Variants in NT5C3A observed in about 807,000 individuals in gnomAD.
NT5C3A encodes the protein 5'-nucleotidase, cytosolic IIIA, also known as cytosolic 5'-nucleotidase 3A.
NT5C3A carries 23 observed loss-of-function variants against 40.0 expected under a neutral mutation model. The ratio of observed to expected loss-of-function variants is 0.58; its 90% confidence interval spans 0.41 to 0.81. The LOEUF is 0.81. Among genes scored for constraint, NT5C3A ranks in the 40% least tolerant of loss-of-function variants. NT5C3A has a pLI of 0.00. For missense variants in NT5C3A, 328 were observed against 403.0 expected, an observed-to-expected ratio of 0.81 and a Z score of 1.59; for synonymous variants, 130 against 141.4, an observed-to-expected ratio of 0.92 and a Z score of 0.57.
intron 1 of NT5C3A, among the ~76,000 whole-genome samples, chr7:33,049,444 T>C (rs963509104): frequency 6.6e-6 from 1 of 152,136 alleles, no homozygotes; most frequent in Non-Finnish European, 1.5e-5. Context: ...CCTTACAAGA[T>C]TGTCTTCTGT....
intron 5 of NT5C3A, 74 bp downstream of exon 5, chr7:33,021,194 AAAAT>A: frequency 1.3e-6 from 2 of 1,585,752 alleles, no homozygotes; most frequent in Non-Finnish European, 8.6e-7. Context: ...ATACAGGTAA[AAAAT>A]AAGCCATCAG....
intron 6 of NT5C3A, among the ~76,000 whole-genome samples, chr7:33,018,966 T>C (rs1039128037): frequency 4.6e-5 from 7 of 152,192 alleles, no homozygotes; most frequent in Admixed American, 3.9e-4. Flanking sequence ...AGTAGGCTTA[T>C]GTAAATTTAG....
In NT5C3A at chr7:33,062,565, C is replaced by T; in HGVS notation, c.138+3G>A. ...TCTGGGCGCGCCGAGCCTCCACACT[C>T]ACCATCTCGATGATCTTGGTCTTCC... On this transcript the variant is annotated splice_donor_region_variant and intron_variant, in intron 1 of 8. Transcript: ENST00000610140. 6.2e-7 allele frequency: 1 copy of T among 1,609,894 alleles called. No homozygotes were observed. Among genetic ancestry groups the T allele is most frequent in the Non-Finnish European group, 8.5e-7 (1 of 1,178,732 alleles).
chr7:33,031,107 C>CAA (rs11407650), intron 1 of NT5C3A, among the ~76,000 whole-genome samples: 1,782 of 131,718 alleles, frequency 0.014, 12 homozygotes, highest in Middle Eastern at 0.067. Flanking sequence ...CAAAAAAAAA[C>CAA]AAAAAAAAAA....
At chr7:33,019,494 T>C (rs1562586439) in intron 6 of NT5C3A, 141 bp downstream of exon 6, 1 of 681,570 alleles carries the variant, frequency 1.5e-6, no homozygotes, top group Non-Finnish European at 2.7e-6. Flanking sequence ...TACCACTATG[T>C]ATTTTGTGAT....
At chr7:33,048,305 A>G (rs1031374759) in intron 1 of NT5C3A, among the ~76,000 whole-genome samples, 1 of 151,906 alleles carries the variant, frequency 6.6e-6, no homozygotes, top group Non-Finnish European at 1.5e-5. Context: ...TCCACCTCCC[A>G]ACGTGCTGGG....
rs145224067 is a variant in NT5C3A at position 33,055,626 on chromosome 7, G to A, written c.138+6942C>T. ...TGGACGCATTGGCCATGACTGGAAC[G>A]ACCATCTCACGACCATGAAGAAAAG... On this transcript the variant is annotated intron_variant, in intron 1 of 8. Transcript: ENST00000610140. Among the ~76,000 whole-genome samples the A allele has an allele frequency of 6.6e-5, 10 of 152,264 alleles. No homozygotes were observed. The South Asian group carries it at 1.7e-3, about 25-fold the overall frequency.
At chr7:33,035,020 T>G (rs1355778811) in intron 1 of NT5C3A, among the ~76,000 whole-genome samples, 1 of 70,100 alleles carries the variant, frequency 1.4e-5, no homozygotes, top group African/African-American at 6.6e-5. Context: ...AAACACTCAC[T>G]AACGTAATAG....
chr7:33,019,595 T>C (rs755577944), intron 6 of NT5C3A, 40 bp downstream of exon 6: 7 of 1,143,036 alleles, frequency 6.1e-6, no homozygotes, highest in Non-Finnish European at 9.3e-6. Flanking sequence ...ATAATTCAAG[T>C]CTGTGAACAA....
chr7:33,026,738 C>T, intron 2 of NT5C3A, 79 bp downstream of exon 2: 1 of 947,058 alleles, frequency 1.1e-6, no homozygotes, highest in Non-Finnish European at 1.7e-6. Context: ...AAGTGATCCT[C>T]CTGCTTCAGT....
In NT5C3A at chr7:33,014,558, TG is replaced by T; in HGVS notation, c.*171del. The T allele has an allele frequency of 3.3e-6, 3 of 902,084 alleles. No individual in the cohort carries two copies. The highest frequency in any genetic ancestry group is 5.2e-6 in the Non-Finnish European group (3 of 582,480). 55.9% of individuals were successfully genotyped at this position (902,084 alleles called of 1,614,324 possible). A position where few individuals can be genotyped will look rare whatever the true frequency, so the allele number is the denominator to read the frequency against. On this transcript the variant is annotated 3_prime_UTR_variant, in exon 9 of 9. Transcript: ENST00000610140. ...ACGGTGAGGAGTGTGTTGAGAGAGG[TG>T]GAGAAAAGGAGCTTCCAGTCAATGC...
At chr7:33,050,946 T>C (rs574743143) in intron 1 of NT5C3A, among the ~76,000 whole-genome samples, 4 of 152,112 alleles carry the variant, frequency 2.6e-5, no homozygotes, top group East Asian at 3.9e-4. Flanking sequence ...CTGAATTGTA[T>C]AGATTTCCCT....
Position 33,014,570 on chromosome 7 carries a change from G to C in NT5C3A, c.*160C>G. The C allele has an allele frequency of 2.0e-6, 2 of 1,014,614 alleles. No individual in the cohort carries two copies. The highest frequency in any genetic ancestry group is 2.7e-5 in the South Asian group (2 of 73,292). The allele number at this position is 1,014,614 out of a possible 1,614,324, so 62.9% of individuals were successfully genotyped here. A position where few individuals can be genotyped will look rare whatever the true frequency, so the allele number is the denominator to read the frequency against. On this transcript the variant is annotated 3_prime_UTR_variant, in exon 9 of 9. Coordinates refer to ENST00000610140, the MANE Select transcript of NT5C3A (RefSeq NM_001002010.5). ...GTGTTGAGAGAGGTGGAGAAAAGGAGCTTCCAGTCAATGCATTCACCATAT... is the reference window on the plus strand; with the variant it reads ...GTGTTGAGAGAGGTGGAGAAAAGGACCTTCCAGTCAATGCATTCACCATAT...
chr7:33,062,743 C>T lies in NT5C3A; in HGVS notation c.-38G>A, dbSNP rs539089842. ...CATGCGCGTCCAAGCAGGAAAAAAACAGGCAGCTCGCGTAGACTGCGAGTC... is the reference window on the plus strand; with the variant it reads ...CATGCGCGTCCAAGCAGGAAAAAAATAGGCAGCTCGCGTAGACTGCGAGTC... On this transcript the variant is annotated 5_prime_UTR_variant, in exon 1 of 9. Coordinates refer to ENST00000610140, the MANE Select transcript of NT5C3A (RefSeq NM_001002010.5). 18 of 1,550,120 alleles carry T rather than the reference C, an allele frequency of 1.2e-5. No homozygotes were observed. In the African/African-American group the frequency reaches 1.6e-4, roughly 14 times the overall value.
chr7:33,059,212 C>T (rs1376437592), intron 1 of NT5C3A, among the ~76,000 whole-genome samples: 1 of 152,194 alleles, frequency 6.6e-6, no homozygotes, highest in East Asian at 1.9e-4. Flanking sequence ...ATCTTTAGAG[C>T]TCCAGCCTTC....
intron 1 of NT5C3A, among the ~76,000 whole-genome samples, chr7:33,038,532 C>A (rs1786731793): frequency 6.8e-6 from 1 of 147,584 alleles, no homozygotes; most frequent in Non-Finnish European, 1.5e-5. Flanking sequence ...ACCAACAATT[C>A]ATGAATACTA....
rs781585141 is a variant in NT5C3A, at chr7:33,014,535, G to A, written c.*195C>T. On this transcript the variant is annotated 3_prime_UTR_variant, in exon 9 of 9. Transcript: ENST00000610140. Reference sequence around the variant, plus strand: ...TTTTTTTAAATGGGTTAAAAGATACGGTGAGGAGTGTGTTGAGAGAGGTGG... The same window carrying A: ...TTTTTTTAAATGGGTTAAAAGATACAGTGAGGAGTGTGTTGAGAGAGGTGG... The A allele has an allele frequency of 5.9e-5, 43 of 734,470 alleles. 1 individual carries two copies. Among genetic ancestry groups the A allele is most frequent in the Non-Finnish European group, 7.8e-5 (34 of 435,668 alleles). 45.5% of individuals were successfully genotyped at this position (734,470 alleles called of 1,614,324 possible).
chr7:33,026,788 A>G, intron 2 of NT5C3A, 29 bp downstream of exon 2: 2 of 1,488,760 alleles, frequency 1.3e-6, no homozygotes, highest in South Asian at 2.3e-5. Flanking sequence ...GCCAACACAC[A>G]CAGCCAAGGC....
intron 1 of NT5C3A, among the ~76,000 whole-genome samples, chr7:33,047,306 G>A (rs563919195): frequency 6.6e-6 from 1 of 152,070 alleles, no homozygotes; most frequent in Non-Finnish European, 1.5e-5. Flanking sequence ...TCTAAATGAG[G>A]AGTAAAAAGT....
Sources: allele counts gnomAD v4.1 joint callset (sites outside exome capture counted in the v4.1 genomes callset), GRCh38; gene constraint gnomAD v4.1.1; transcripts MANE v1.5; gene names NCBI Gene and HGNC (gene_info 2026-07-23, HGNC 2026-07-21).